The following JAKMIP2 variants were observed in gnomAD, a reference collection of about 807,000 sequenced individuals.
JAKMIP2 encodes janus kinase and microtubule-interacting protein 2.
A neutral mutation model predicts 115.0 loss-of-function variants in JAKMIP2; 25 were observed. The ratio of observed to expected loss-of-function variants is 0.22; its 90% CI spans 0.16 to 0.30. JAKMIP2 has a LOEUF of 0.30. JAKMIP2 is among the 10% of genes least tolerant of loss of function. The pLI is 1.00. For missense variants in JAKMIP2, 642 were observed against 957.6 expected (o/e 0.67, Z 4.35); for synonymous variants, 334 against 343.6 (o/e 0.97, Z 0.31).
intron 21 of JAKMIP2, among the ~76,000 whole-genome samples, chr5:147,592,841 A>C (rs1755164354): frequency 6.6e-6 from 1 of 152,204 alleles, no homozygotes; most frequent in African/African-American, 2.4e-5. Flanking sequence ...GGATACTTCT[A>C]GTCTACCAAC....
At chr5:147,672,529 GA>G (rs1250319310) in intron 1 of JAKMIP2, among the ~76,000 whole-genome samples, 2 of 152,148 alleles carry the variant, frequency 1.3e-5, no homozygotes, top group African/African-American at 2.4e-5. Context: ...TTTGGAAATA[GA>G]AAAATAAGTC....
At chr5:147,758,005 T>A (rs912419556) in intron 1 of JAKMIP2, among the ~76,000 whole-genome samples, 1 of 152,142 alleles carries the variant, frequency 6.6e-6, no homozygotes, top group African/African-American at 2.4e-5. Flanking sequence ...ATGCATAAGC[T>A]GTATCATGTG....
intron 1 of JAKMIP2, among the ~76,000 whole-genome samples, chr5:147,691,341 GT>G (rs1489857904): frequency 6.6e-6 from 1 of 152,066 alleles, no homozygotes; most frequent in Non-Finnish European, 1.5e-5. Flanking sequence ...GCTATTAATA[GT>G]TTCCCCCCAT....
chr5:147,667,676 G>C lies in JAKMIP2; in HGVS notation c.129+4002C>G, dbSNP rs567560348. Among the ~76,000 whole-genome samples, 4 of 152,236 alleles carry C rather than the reference G, an allele frequency of 2.6e-5. No individual in the cohort carries two copies. The East Asian group carries it at 7.8e-4, about 30-fold the overall frequency. On this transcript the variant is annotated intron_variant, in intron 2 of 21. Coordinates refer to ENST00000616793, the MANE Select transcript of JAKMIP2 (RefSeq NM_001270941.2). ...TCGCTCTAGGAAGATTGCTTACAAG[G>C]GAAGTCCTATACAACCTTACACAAT...
intron 1 of JAKMIP2, among the ~76,000 whole-genome samples, chr5:147,768,070 C>T (rs537513562): frequency 6.6e-6 from 1 of 152,290 alleles, no homozygotes; most frequent in Non-Finnish European, 1.5e-5. Flanking sequence ...AACCCCTACA[C>T]ACACACACAC....
intron 1 of JAKMIP2, among the ~76,000 whole-genome samples, chr5:147,706,799 G>GA (rs1262044636): frequency 2.6e-5 from 4 of 151,896 alleles, no homozygotes; most frequent in Non-Finnish European, 4.4e-5. Flanking sequence ...TCCAAAATCT[G>GA]AAAAAAATCT....
intron 21 of JAKMIP2, among the ~76,000 whole-genome samples, chr5:147,592,735 G>T (rs2065686230): frequency 6.6e-6 from 1 of 152,160 alleles, no homozygotes; most frequent in Non-Finnish European, 1.5e-5. Flanking sequence ...TGATTCTGTA[G>T]AAAGACTTTA....
intron 20 of JAKMIP2, among the ~76,000 whole-genome samples, chr5:147,608,207 T>G (rs1039965266): frequency 7.2e-5 from 11 of 152,234 alleles, no homozygotes; most frequent in African/African-American, 2.7e-4. Flanking sequence ...ATTTCTTGTA[T>G]TCTGCTAACT....
intron 1 of JAKMIP2, among the ~76,000 whole-genome samples, chr5:147,682,988 T>C (rs1371897565): frequency 1.3e-5 from 2 of 152,186 alleles, no homozygotes; most frequent in African/African-American, 4.8e-5. Context: ...TTAAGTGTCA[T>C]ATAGTCTTAT....
chr5:147,733,490 G>A (rs1034434795), intron 1 of JAKMIP2, among the ~76,000 whole-genome samples: 5 of 152,112 alleles, frequency 3.3e-5, no homozygotes, highest in Non-Finnish European at 5.9e-5. Context: ...TATACTTTAA[G>A]TTCTGGGATA....
intron 12 of JAKMIP2, among the ~76,000 whole-genome samples, chr5:147,633,925 G>A (rs1305613419): frequency 1.3e-5 from 2 of 152,046 alleles, no homozygotes; most frequent in Non-Finnish European, 2.9e-5. Context: ...CCTGACTTCA[G>A]GTGATCCACC....
chr5:147,782,082 C>CA (rs1165985032), intron 1 of JAKMIP2, among the ~76,000 whole-genome samples: 2 of 152,116 alleles, frequency 1.3e-5, no homozygotes, highest in East Asian at 3.9e-4. Context: ...GAAGAAGGCC[C>CA]AACCCTGTAT....
At chr5:147,613,684 G>A (rs1293719110) in intron 19 of JAKMIP2, among the ~76,000 whole-genome samples, 1 of 152,052 alleles carries the variant, frequency 6.6e-6, no homozygotes, top group Non-Finnish European at 1.5e-5. Flanking sequence ...AGCCAGGAAT[G>A]CTACTAAACA....
At chr5:147,620,617 G>A in intron 18 of JAKMIP2, 49 bp downstream of exon 18, 1 of 1,294,008 alleles carries the variant, frequency 7.7e-7, no homozygotes, top group Non-Finnish European at 1.1e-6. Flanking sequence ...TAATTCCACA[G>A]TGCATAACTG....
chr5:147,666,012 TG>T (rs538599396), intron 2 of JAKMIP2, among the ~76,000 whole-genome samples: 232 of 152,270 alleles, frequency 1.5e-3, no homozygotes, highest in Non-Finnish European at 2.8e-3. Flanking sequence ...AAACAAACAC[TG>T]TCTATCCCTT....
intron 1 of JAKMIP2, among the ~76,000 whole-genome samples, chr5:147,726,608 G>C (rs1753527601): frequency 6.6e-6 from 1 of 152,180 alleles, no homozygotes; most frequent in Admixed American, 6.5e-5. Context: ...TTATCTTCCT[G>C]TATTGTACTG....
intron 1 of JAKMIP2, among the ~76,000 whole-genome samples, chr5:147,712,641 G>C (rs1752826063): frequency 6.6e-6 from 1 of 152,050 alleles, no homozygotes. Context: ...ATATTGCTTA[G>C]TGGAGGTGGG....
At chr5:147,720,831 A>C (rs1753243513) in intron 1 of JAKMIP2, among the ~76,000 whole-genome samples, 1 of 152,122 alleles carries the variant, frequency 6.6e-6, no homozygotes, top group South Asian at 2.1e-4. Flanking sequence ...GATCATCTGA[A>C]GCCTTCTTCT....
chr5:147,732,919 A>G (rs565860967), intron 1 of JAKMIP2, among the ~76,000 whole-genome samples: 1 of 152,358 alleles, frequency 6.6e-6, no homozygotes, highest in South Asian at 2.1e-4. Context: ...AAAGCATTGT[A>G]TTAGAATTCT....
Sources: gnomAD v4.1 joint callset for allele counts (sites outside exome capture counted in the v4.1 genomes callset) on GRCh38, gnomAD v4.1.1 for gene constraint, MANE v1.5 for transcripts, NCBI Gene and HGNC (gene_info 2026-07-23, HGNC 2026-07-21) for gene names.